The following FOXJ3 variants were observed in gnomAD, a reference collection of about 807,000 sequenced individuals.
FOXJ3 encodes the protein forkhead box protein J3.
Under a neutral mutation model 76.1 loss-of-function variants are expected in FOXJ3, and 22 were observed. That is an observed-to-expected ratio of 0.29 (90% confidence interval 0.21 to 0.41). FOXJ3 has a LOEUF of 0.41. Ranked by LOEUF, FOXJ3 falls within the 10% of genes least tolerant of loss-of-function variation. FOXJ3 has a pLI of 1.00. For synonymous variants in FOXJ3, 269 were observed against 261.2 expected (o/e 1.03, Z -0.29); for missense variants, 613 against 762.1 (o/e 0.80, Z 2.30).
intron 4 of FOXJ3, among the ~76,000 whole-genome samples, chr1:42,263,584 C>A (rs1191511508): frequency 6.6e-6 from 1 of 152,104 alleles, no homozygotes; most frequent in Non-Finnish European, 1.5e-5. Flanking sequence ...CAATTTCTTA[C>A]AAGACTATTA....
At chr1:42,247,295 T>C (rs1028762813) in intron 4 of FOXJ3, among the ~76,000 whole-genome samples, 1 of 152,004 alleles carries the variant, frequency 6.6e-6, no homozygotes, top group African/African-American at 2.4e-5. Context: ...ACAAATAATA[T>C]GTATCAATTA....
chr1:42,305,887 A>C (rs961695517), intron 2 of FOXJ3, among the ~76,000 whole-genome samples: 57 of 152,228 alleles, frequency 3.7e-4, no homozygotes, highest in Non-Finnish European at 7.1e-4. Flanking sequence ...GTAACACAAA[A>C]GATAAACACT....
At position 42,188,780 on chromosome 1, in the gene FOXJ3, A is replaced by G. The variant is rs1436753485; in HGVS notation, c.1602T>C (p.His534=). Residue 534 remains histidine (H), a synonymous_variant, in exon 11 of 13, where the codon CAT becomes CAC. Transcript: ENST00000361346. Reference sequence around the variant, plus strand: ...AAGGTTTTGTTGGATGCATGGCACCATGACAAACATTTTGTTGAACATTAC... The same window carrying G: ...AAGGTTTTGTTGGATGCATGGCACCGTGACAAACATTTTGTTGAACATTAC... ...SQSNVQQNVC[H]GAMHPTKPSQ... is the part of the protein sequence containing the mutation. 2.5e-6 allele frequency: 4 copies of G among 1,611,472 alleles called. No individual in the cohort carries two copies. In the African/African-American group the frequency reaches 5.3e-5, roughly 22 times the overall value.
intron 4 of FOXJ3, 104 bp from the exon 5 acceptor site, chr1:42,228,070 A>G: frequency 4.0e-6 from 2 of 495,096 alleles, no homozygotes; most frequent in Admixed American, 3.6e-5. Context: ...CTGCAAATAC[A>G]ATGGAAAAAT....
chr1:42,303,710 A>G (rs1654295591), intron 2 of FOXJ3, among the ~76,000 whole-genome samples: 1 of 152,236 alleles, frequency 6.6e-6, no homozygotes, highest in Admixed American at 6.5e-5. Flanking sequence ...ATGTGAGCAG[A>G]AGTGATCTCA....
chr1:42,199,684 T>C (rs1305866298), intron 6 of FOXJ3, among the ~76,000 whole-genome samples: 3 of 151,752 alleles, frequency 2.0e-5, no homozygotes, highest in Non-Finnish European at 4.4e-5. Context: ...ATACTGAAGA[T>C]TGGAAACAAC....
At position 42,181,989 on chromosome 1, in the gene FOXJ3, G is replaced by A; in HGVS notation, c.1681C>T (p.Pro561Ser). Residue 561 changes from proline to serine, a missense_variant, in exon 12 of 13, where the codon CCT (proline) becomes TCT (serine). Around this residue, in one of 3 missense-constraint regions of FOXJ3, gnomAD observed 526 missense variants for 601.4 expected, o/e 0.87. Coordinates refer to ENST00000361346, the MANE Select transcript of FOXJ3 (RefSeq NM_014947.5). ...LYIDSRQNLP[P>S]SVMPPPGYPH... ...TAACCAGGGGGTGGCATCACTGAAG[G>A]AGGGAGATTTTGCCTAGAATCTATG... The A allele has an allele frequency of 6.2e-7, 1 of 1,613,482 alleles. No homozygotes were observed. The highest frequency in any genetic ancestry group is 1.7e-4 in the Middle Eastern group (1 of 6,060).
intron 4 of FOXJ3, among the ~76,000 whole-genome samples, chr1:42,259,410 A>T (rs940126122): frequency 2.0e-5 from 3 of 152,142 alleles, no homozygotes; most frequent in Non-Finnish European, 4.4e-5. Flanking sequence ...TTATTTTTTT[A>T]AAGTAGTTTA....
Position 42,182,053 on chromosome 1 carries a change from A to G in FOXJ3, c.1646-29T>C, listed in dbSNP as rs201667499. ...ATCAGATTAAAAGCAGAAAGAGGGA[A>G]AACATGTTACCACAAATAAAACAAA... is the stretch of plus-strand genomic sequence containing the variant. On this transcript the variant is annotated intron_variant, in intron 11 of 12. Coordinates refer to ENST00000361346, the MANE Select transcript of FOXJ3 (RefSeq NM_014947.5). 1.9e-3 allele frequency: 2,428 copies of G among 1,288,436 alleles called. 9 individuals are homozygous for G. The highest frequency in any genetic ancestry group is 2.4e-3 in the Non-Finnish European group (2,134 of 898,128). The allele number at this position is 1,288,436 out of a possible 1,614,324, so 79.8% of individuals were successfully genotyped here. A position where few individuals can be genotyped will look rare whatever the true frequency, so the allele number is the denominator to read the frequency against.
At chr1:42,204,908 A>G (rs1402530702) in intron 6 of FOXJ3, among the ~76,000 whole-genome samples, 1 of 152,158 alleles carries the variant, frequency 6.6e-6, no homozygotes, top group African/African-American at 2.4e-5. Flanking sequence ...TCCTAGGAGT[A>G]CCATATTAGT....
rs374594980 is a variant in FOXJ3 at position 42,192,433 on chromosome 1, G to A, written c.935-714C>T. 7.9e-5 allele frequency among the ~76,000 whole-genome samples: 12 copies of A among 152,218 alleles called. No homozygotes were observed. The East Asian group carries it at 2.3e-3, about 29-fold the overall frequency. ...CAAAAAGTTATTAGCATAAAGTAAG[G>A]AGGCTTAAAGGAAGTTAGTTTTTAA... On this transcript the variant is annotated intron_variant, in intron 8 of 12. Transcript: ENST00000361346.
At position 42,210,096 on chromosome 1, in the gene FOXJ3, C is replaced by T. The variant is rs370854216; in HGVS notation, c.529-4233G>A. 2.8e-4 allele frequency among the ~76,000 whole-genome samples: 42 copies of T among 152,274 alleles called. 1 individual carries two copies. The highest frequency in any genetic ancestry group is 8.7e-4 in the African/African-American group (36 of 41,556). ...GGTGTGAGACCTGTGTTGCCAAGTC[C>T]GTGGGAGCTGAGTGGGGCTTAATGC... On this transcript the variant is annotated intron_variant, in intron 5 of 12. Coordinates refer to ENST00000361346, the MANE Select transcript of FOXJ3 (RefSeq NM_014947.5).
intron 4 of FOXJ3, 58 bp downstream of exon 4, chr1:42,265,057 T>C: frequency 5.5e-6 from 6 of 1,081,840 alleles, no homozygotes; most frequent in Non-Finnish European, 8.6e-6. Context: ...AGTTCTTAAT[T>C]CAAACATGAC....
Position 42,191,280 on chromosome 1 carries a change from C to T in FOXJ3, c.1351+23G>A, listed in dbSNP as rs746639029. On this transcript the variant is annotated intron_variant, in intron 9 of 12. Coordinates refer to ENST00000361346, the MANE Select transcript of FOXJ3 (RefSeq NM_014947.5). Reference sequence around the variant, plus strand: ...ATCCTAATTCACAGTTAGCCAAACACAAACCAGGAGACAAAAACTTACCAG... The same window carrying T: ...ATCCTAATTCACAGTTAGCCAAACATAAACCAGGAGACAAAAACTTACCAG... 3 of 1,520,922 alleles carry T rather than the reference C, an allele frequency of 2.0e-6. No homozygotes were observed. The African/African-American group carries it at 4.2e-5, about 21-fold the overall frequency. 94.2% of individuals were successfully genotyped at this position (1,520,922 alleles called of 1,614,324 possible). A position where few individuals can be genotyped will look rare whatever the true frequency, so the allele number is the denominator to read the frequency against.
At chr1:42,216,809 A>C (rs141286342) in intron 5 of FOXJ3, among the ~76,000 whole-genome samples, 2 of 152,380 alleles carry the variant, frequency 1.3e-5, no homozygotes, top group African/African-American at 4.8e-5. Context: ...CAGATAAATA[A>C]AAATGAGATA....
intron 5 of FOXJ3, among the ~76,000 whole-genome samples, chr1:42,208,030 T>C (rs1296104549): frequency 6.6e-6 from 1 of 152,186 alleles, no homozygotes; most frequent in African/African-American, 2.4e-5. Context: ...ATTCTTCCCT[T>C]CTGGTAGGAA....
Position 42,200,340 on chromosome 1 carries a change from T to C in FOXJ3, c.631-1110A>G, listed in dbSNP as rs556322588. ...CCTTGTTACAAGGCCTTGTTTTCTA[T>C]TGCATTAATATCTACTCTTTATATT... On this transcript the variant is annotated intron_variant, in intron 6 of 12. Transcript: ENST00000361346. Among the ~76,000 whole-genome samples, 32 of 152,352 alleles carry C rather than the reference T, an allele frequency of 2.1e-4. No individual in the cohort carries two copies. In the South Asian group the frequency reaches 2.5e-3, roughly 12 times the overall value.
At chr1:42,248,981 CT>C (rs1649793172) in intron 4 of FOXJ3, among the ~76,000 whole-genome samples, 1 of 152,044 alleles carries the variant, frequency 6.6e-6, no homozygotes, top group Non-Finnish European at 1.5e-5. Flanking sequence ...TCAACTCCCA[CT>C]ATGAGTGAGA....
At chr1:42,181,893 A>ACT (rs765964411) in intron 12 of FOXJ3, 24 bp downstream of exon 12, 62 of 1,338,282 alleles carry the variant, frequency 4.6e-5, no homozygotes, top group African/African-American at 1.4e-4. Flanking sequence ...ACACACACAC[A>ACT]CTCACTCTCT....
Sources: gnomAD v4.1 joint callset for allele counts (sites outside exome capture counted in the v4.1 genomes callset) on GRCh38, gnomAD v4.1.1 for gene constraint, gnomAD v4.1.1 regional missense constraint, MANE v1.5 for transcripts, NCBI Gene and HGNC (gene_info 2026-07-23, HGNC 2026-07-21) for gene names.